PKD2L2: variants seen among roughly 807,000 people sequenced by gnomAD.
PKD2L2 encodes polycystin-2-like protein 2.
In PKD2L2, 67 loss-of-function variants were observed where a neutral mutation model predicts 83.9. The ratio of observed to expected loss-of-function variants is 0.80; its 90% confidence interval spans 0.66 to 0.98. The LOEUF is 0.98. Among genes scored for constraint, PKD2L2 ranks in the 50% least tolerant of loss-of-function variants. The probability of loss-of-function intolerance (pLI) is 0.00; values close to 1 mark genes in which losing one functional copy is unlikely to be tolerated. For synonymous variants in PKD2L2, 223 were observed against 237.8 expected (o/e 0.94, Z 0.57); for missense variants, 632 against 717.2 (o/e 0.88, Z 1.36).
chr5:137,924,213 C>T (rs1482246583), intron 10 of PKD2L2, among the ~76,000 whole-genome samples: 5 of 152,266 alleles, frequency 3.3e-5, no homozygotes, highest in East Asian at 1.9e-4. Context: ...CTGTCAAGTC[C>T]GAATTCCTTA....
At chr5:137,916,029 TTTTTTC>T (rs149835791) in intron 8 of PKD2L2, among the ~76,000 whole-genome samples, 83,360 of 141,308 alleles carry the variant, frequency 0.59, 24,215 homozygotes, top group Middle Eastern at 0.71. Flanking sequence ...CACACATTTT[TTTTTTC>T]TTTTTTCTTT....
Position 137,894,430 on chromosome 5 carries a change from C to G in PKD2L2, c.345C>G (p.Asn115Lys), listed in dbSNP as rs747982202. The change falls in exon 4 of 15, where the codon AAC becomes AAG. Residue 115 changes from asparagine to lysine, a missense_variant. By Grantham distance (94) the Asn-to-Lys change is moderately conservative. Coordinates refer to ENST00000508883, the MANE Select transcript of PKD2L2 (RefSeq NM_001300921.2). ...YNNQQLYNLK[N>K]SSRIYYENIL... ...ACCAGCAGCTGTATAATTTAAAGAA[C>G]AGCAGTCGCATCTACTATGAAAATA... is the stretch of plus-strand genomic sequence containing the variant. 147 of 1,613,004 alleles carry G rather than the reference C, an allele frequency of 9.1e-5. No homozygotes were observed. The highest frequency in any genetic ancestry group is 1.2e-4 in the Non-Finnish European group (141 of 1,179,492).
rs149078444 is a variant in PKD2L2, at chr5:137,901,340, T to A, written c.746+1603T>A. Among the ~76,000 whole-genome samples the A allele has an allele frequency of 3.6e-3, 544 of 152,268 alleles. 6 individuals carry two copies. The highest frequency in any genetic ancestry group is 0.01 in the Middle Eastern group (3 of 294). Reference sequence around the variant, plus strand: ...AGCAGACAATATAGCAGACGTCATTTTGAAAATCATTGAGGAGAAAGGATA... The same window carrying A: ...AGCAGACAATATAGCAGACGTCATTATGAAAATCATTGAGGAGAAAGGATA... On this transcript the variant is annotated intron_variant, in intron 5 of 14. Coordinates refer to ENST00000508883, the MANE Select transcript of PKD2L2 (RefSeq NM_001300921.2).
At position 137,889,536 on chromosome 5, in the gene PKD2L2, T is replaced by C. The variant is rs1336785515; in HGVS notation, c.31+14T>C. 1 of 1,544,832 alleles carries C rather than the reference T, an allele frequency of 6.5e-7. No individual in the cohort carries two copies. ...GGCACCGAGGCGGTGAGGGGTCCTCTTAAGGAGTGGGAGGGACAGGGGCGA... is the reference window on the plus strand; with the variant it reads ...GGCACCGAGGCGGTGAGGGGTCCTCCTAAGGAGTGGGAGGGACAGGGGCGA... On this transcript the variant is annotated intron_variant, in intron 1 of 14. Transcript: ENST00000508883.
Position 137,894,368 on chromosome 5 carries a change from C to T in PKD2L2, c.283C>T (p.Leu95Phe), listed in dbSNP as rs757540079. Residue 95 changes from leucine (L) to phenylalanine (F), a missense_variant, in exon 4 of 15, where the codon CTT becomes TTT. This residue lies in a region of PKD2L2 where 229 missense variants were observed against 281.5 expected (regional missense o/e 0.81). Coordinates refer to ENST00000508883, the MANE Select transcript of PKD2L2 (RefSeq NM_001300921.2). ...TDFWKFMEGPLLEGLYWDSWY... is the reference protein window; with the variant it reads ...TDFWKFMEGPFLEGLYWDSWY... Reference sequence around the variant, plus strand: ...CTCTGTGGAGTTTATGGAAGGACCCCTTTTGGAAGGTCTGTACTGGGATTC... The same window carrying T: ...CTCTGTGGAGTTTATGGAAGGACCCTTTTTGGAAGGTCTGTACTGGGATTC... 20 of 1,604,748 alleles carry T rather than the reference C, an allele frequency of 1.2e-5. No homozygotes were observed. Among genetic ancestry groups the T allele is most frequent in the Middle Eastern group, 1.6e-4 (1 of 6,062 alleles).
intron 3 of PKD2L2, among the ~76,000 whole-genome samples, chr5:137,893,111 A>C (rs1184919314): frequency 6.6e-6 from 1 of 152,144 alleles, no homozygotes; most frequent in Non-Finnish European, 1.5e-5. Flanking sequence ...TTCTCATTTC[A>C]TTTGTTAAAT....
chr5:137,909,627 C>T (rs1757651028), intron 8 of PKD2L2, among the ~76,000 whole-genome samples: 4 of 148,144 alleles, frequency 2.7e-5, no homozygotes, highest in Non-Finnish European at 4.4e-5. Context: ...TCATTGCATC[C>T]TAAAACTCCT....
At chr5:137,934,768 C>T (rs1298532947) in intron 12 of PKD2L2, among the ~76,000 whole-genome samples, 1 of 152,096 alleles carries the variant, frequency 6.6e-6, no homozygotes, top group Non-Finnish European at 1.5e-5. Context: ...ACTTCCACAT[C>T]GAATGCTAAG....
chr5:137,928,326 C>G (rs1342968959), intron 12 of PKD2L2, among the ~76,000 whole-genome samples: 1 of 148,716 alleles, frequency 6.7e-6, no homozygotes, highest in Non-Finnish European at 1.5e-5. Flanking sequence ...TCACTTGAGC[C>G]CAGTAGTTTG....
chr5:137,891,889 T>C (rs1278786845), intron 2 of PKD2L2, among the ~76,000 whole-genome samples: 1 of 152,114 alleles, frequency 6.6e-6, no homozygotes, highest in African/African-American at 2.4e-5. Context: ...TTTCACCATG[T>C]TGGTCAGTCT....
chr5:137,942,311 T>A, intron 14 of PKD2L2, 73 bp from the exon 15 acceptor site: 1 of 426,278 alleles, frequency 2.3e-6, no homozygotes, highest in Non-Finnish European at 4.2e-6. Context: ...AACAAAAAGA[T>A]CAACTCGCAA....
chr5:137,901,541 C>T (rs1189932382), intron 5 of PKD2L2, among the ~76,000 whole-genome samples: 1 of 152,152 alleles, frequency 6.6e-6, no homozygotes, highest in African/African-American at 2.4e-5. Flanking sequence ...TCAGGACTAC[C>T]CTTATCTATA....
intron 12 of PKD2L2, among the ~76,000 whole-genome samples, chr5:137,933,434 T>C (rs1760051090): frequency 6.6e-6 from 1 of 152,176 alleles, no homozygotes; most frequent in African/African-American, 2.4e-5. Context: ...CAACCTAATG[T>C]TTAAACTACA....
intron 1 of PKD2L2, 29 bp from the exon 2 acceptor site, chr5:137,890,446 TAATGTA>T: frequency 8.8e-7 from 1 of 1,133,892 alleles, no homozygotes; most frequent in Non-Finnish European, 1.3e-6. Context: ...AATTACATAA[TAATGTA>T]AAGAAAAATT....
chr5:137,922,610 C>T (rs575545819), intron 9 of PKD2L2, among the ~76,000 whole-genome samples: 1 of 152,024 alleles, frequency 6.6e-6, no homozygotes, highest in Non-Finnish European at 1.5e-5. Flanking sequence ...TGGTGATGTA[C>T]ACCTATAATC....
intron 3 of PKD2L2, among the ~76,000 whole-genome samples, chr5:137,893,332 T>TA (rs1756157399): frequency 6.6e-6 from 1 of 152,186 alleles, no homozygotes; most frequent in South Asian, 2.1e-4. Context: ...TTTACTTACG[T>TA]AAGGGAATCA....
chr5:137,908,103 C>T (rs1757508323), intron 7 of PKD2L2, among the ~76,000 whole-genome samples, 191 bp downstream of exon 7: 1 of 152,084 alleles, frequency 6.6e-6, no homozygotes, highest in Non-Finnish European at 1.5e-5. Context: ...TTCTTGGCCC[C>T]AGGAGTTTGA....
At chr5:137,907,614 A>G in intron 6 of PKD2L2, 128 bp from the exon 7 acceptor site, 1 of 469,190 alleles carries the variant, frequency 2.1e-6, no homozygotes, top group Non-Finnish European at 3.8e-6. Context: ...ATGTAAAAGC[A>G]TATGTCCTAT....
At chr5:137,939,440 G>C (rs1761027614) in intron 14 of PKD2L2, 1 of 152,832 alleles carries the variant, frequency 6.5e-6, no homozygotes, top group Non-Finnish European at 1.5e-5. Context: ...ATCTGATCCA[G>C]ACAAATCACA....
Sources: gnomAD v4.1 joint callset for allele counts (sites outside exome capture counted in the v4.1 genomes callset) on GRCh38, gnomAD v4.1.1 for gene constraint, gnomAD v4.1.1 regional missense constraint, MANE v1.5 for transcripts, NCBI Gene and HGNC (gene_info 2026-07-23, HGNC 2026-07-21) for gene names.